Variants in ROBO2 observed in about 807,000 individuals in gnomAD.
The protein encoded by ROBO2 is roundabout guidance receptor 2.
Under a neutral mutation model 160.8 loss-of-function variants are expected in ROBO2, and 53 were observed. The observed-to-expected ratio is 0.33, with a 90% CI of 0.26 to 0.41. ROBO2 has a LOEUF of 0.41. Among genes scored for constraint, ROBO2 ranks in the 10% least tolerant of loss-of-function variants. The pLI is 1.00. For synonymous variants in ROBO2, 664 were observed against 611.7 expected (o/e 1.09, Z -1.26); for missense variants, 1,577 against 1,722.4 (o/e 0.92, Z 1.49).
intron 2 of ROBO2, among the ~76,000 whole-genome samples, chr3:76,991,814 T>C (rs1217897284): frequency 6.6e-6 from 1 of 152,124 alleles, no homozygotes; most frequent in African/African-American, 2.4e-5. Context: ...AAATAGAGTG[T>C]GGCAGAGTTC....
intron 2 of ROBO2, among the ~76,000 whole-genome samples, chr3:75,948,870 A>T (rs958861972): frequency 6.6e-6 from 1 of 152,108 alleles, no homozygotes; most frequent in African/African-American, 2.4e-5. Context: ...AACACCTTCA[A>T]ATCTAATCCT....
At chr3:76,613,413 TA>T in intron 2 of ROBO2, among the ~76,000 whole-genome samples, 1 of 152,252 alleles carries the variant, frequency 6.6e-6, no homozygotes, top group South Asian at 2.1e-4. Context: ...TCAGTTTAAA[TA>T]AAACTCTCAT....
chr3:76,090,551 C>T (rs552185545), intron 2 of ROBO2, among the ~76,000 whole-genome samples: 3 of 152,178 alleles, frequency 2.0e-5, no homozygotes. Flanking sequence ...CAACACCATC[C>T]CAAATAATCT....
chr3:76,925,974 T>C (rs2076966970), intron 2 of ROBO2, among the ~76,000 whole-genome samples: 4 of 152,216 alleles, frequency 2.6e-5, no homozygotes, highest in Admixed American at 2.6e-4. Flanking sequence ...GCCTGTCATA[T>C]GATTGTCTTT....
chr3:76,284,735 G>C (rs1708425691), intron 2 of ROBO2, among the ~76,000 whole-genome samples: 1 of 151,994 alleles, frequency 6.6e-6, no homozygotes, highest in South Asian at 2.1e-4. Context: ...CCTGACCTTT[G>C]GATGTTTGAT....
At chr3:77,411,536 A>G (rs2076801728) in intron 2 of ROBO2, among the ~76,000 whole-genome samples, 1 of 152,214 alleles carries the variant, frequency 6.6e-6, no homozygotes, top group African/African-American at 2.4e-5. Context: ...GTTTTGAGCC[A>G]TAATAAAAGA....
chr3:76,303,478 C>T (rs1384474444), intron 2 of ROBO2, among the ~76,000 whole-genome samples: 3 of 151,960 alleles, frequency 2.0e-5, no homozygotes, highest in Admixed American at 2.0e-4. Flanking sequence ...GTACACAGAA[C>T]AGATTCTTTT....
In ROBO2 at chr3:76,035,189, C is replaced by CTT. The variant is rs34206603; in HGVS notation, c.109+97601_109+97602dup. 2.3e-3 allele frequency among the ~76,000 whole-genome samples: 335 copies of CTT among 143,054 alleles called. 2 individuals carry two copies. Among genetic ancestry groups the CTT allele is most frequent in the Admixed American group, 3.7e-3 (53 of 14,402 alleles). The allele number at this position is 143,054 out of a possible 152,430, so 93.8% of individuals were successfully genotyped here. A position where few individuals can be genotyped will look rare whatever the true frequency, so the allele number is the denominator to read the frequency against. ...ATGGCTGGACTACATGTAAATATAT[C>CTT]TTTTTTTTTTTTTTTCTAAATCCTC... On this transcript the variant is annotated intron_variant, in intron 2 of 26. Transcript: ENST00000487694.
chr3:76,542,194 T>A (rs979150894), intron 2 of ROBO2, among the ~76,000 whole-genome samples: 2 of 152,082 alleles, frequency 1.3e-5, no homozygotes, highest in Admixed American at 6.6e-5. Context: ...CCTTCTATAT[T>A]TTTTTTAAAA....
intron 2 of ROBO2, among the ~76,000 whole-genome samples, chr3:76,033,568 A>G (rs1206481041): frequency 2.0e-5 from 3 of 152,226 alleles, no homozygotes; most frequent in South Asian, 2.1e-4. Flanking sequence ...AGCAATAAGC[A>G]TTTTACTACT....
chr3:77,619,020 C>G (rs2094843090), intron 22 of ROBO2, among the ~76,000 whole-genome samples: 1 of 152,084 alleles, frequency 6.6e-6, no homozygotes, highest in South Asian at 2.1e-4. Context: ...CATTTTAGAA[C>G]CATTTGGATA....
intron 2 of ROBO2, among the ~76,000 whole-genome samples, chr3:77,340,814 G>A (rs1404148691): frequency 6.6e-6 from 1 of 152,030 alleles, no homozygotes; most frequent in Non-Finnish European, 1.5e-5. Context: ...ATTTCATATG[G>A]CAGCCAGTAA....
chr3:76,933,155 A>G (rs1326855429), intron 2 of ROBO2, among the ~76,000 whole-genome samples: 1 of 152,220 alleles, frequency 6.6e-6, no homozygotes, highest in Admixed American at 6.5e-5. Flanking sequence ...GTATGTTATA[A>G]TCCTTTCCCA....
intron 2 of ROBO2, among the ~76,000 whole-genome samples, chr3:76,968,075 G>A (rs1469563763): frequency 6.6e-6 from 1 of 152,058 alleles, no homozygotes; most frequent in East Asian, 1.9e-4. Context: ...GAGTGAATTA[G>A]AAGGTGCCCA....
rs966872492 is a variant in ROBO2 at position 76,570,568 on chromosome 3, C to T, written c.110-527446C>T. ...TCAATGTGTTGATTTAAAACAAAAG[C>T]TTTTTAAGGAATTTTTACTTAGAAT... On this transcript the variant is annotated intron_variant, in intron 2 of 26. Transcript: ENST00000487694. 3.3e-5 allele frequency among the ~76,000 whole-genome samples: 5 copies of T among 152,202 alleles called. No homozygotes were observed. The East Asian group carries it at 9.7e-4, about 29-fold the overall frequency.
At chr3:76,599,685 T>C (rs1560212195) in intron 2 of ROBO2, among the ~76,000 whole-genome samples, 1 of 152,154 alleles carries the variant, frequency 6.6e-6, no homozygotes, top group Non-Finnish European at 1.5e-5. Flanking sequence ...AAGCATTCCT[T>C]TCGCTTCACA....
intron 24 of ROBO2, among the ~76,000 whole-genome samples, chr3:77,637,871 C>A (rs1034808668): frequency 1.3e-5 from 2 of 151,956 alleles, no homozygotes; most frequent in African/African-American, 4.8e-5. Context: ...AAGCAAGCTA[C>A]CTCCTAGTTT....
chr3:76,680,037 G>A lies in ROBO2; in HGVS notation c.110-417977G>A, dbSNP rs553912769. Among the ~76,000 whole-genome samples, 5 of 152,164 alleles carry A rather than the reference G, an allele frequency of 3.3e-5. No individual in the cohort carries two copies. In the East Asian group the frequency reaches 9.7e-4, roughly 29 times the overall value. On this transcript the variant is annotated intron_variant, in intron 2 of 26. Transcript: ENST00000487694. ...TATTGCTGTGTGTAGTTGGTATATTGCTGTGTGCAGGTAATTAAAGCTAAA... is the reference window on the plus strand; with the variant it reads ...TATTGCTGTGTGTAGTTGGTATATTACTGTGTGCAGGTAATTAAAGCTAAA...
intron 2 of ROBO2, among the ~76,000 whole-genome samples, chr3:76,950,555 G>A (rs1444126258): frequency 6.6e-6 from 1 of 152,126 alleles, no homozygotes; most frequent in Non-Finnish European, 1.5e-5. Context: ...GGAGATCACA[G>A]CCAGTTCAAT....
Sources: allele counts gnomAD v4.1 joint callset (sites outside exome capture counted in the v4.1 genomes callset), GRCh38; gene constraint gnomAD v4.1.1; transcripts MANE v1.5; gene names NCBI Gene and HGNC (gene_info 2026-07-23, HGNC 2026-07-21).